Variants in KIFAP3 observed in about 807,000 individuals in gnomAD.
KIFAP3 encodes kinesin associated protein 3.
KIFAP3 carries 68 observed loss-of-function variants against 106.5 expected under a neutral mutation model. That is an observed-to-expected ratio of 0.64 (90% CI 0.53 to 0.78). KIFAP3 has a LOEUF of 0.78. KIFAP3 is among the 30% of genes least tolerant of loss of function. The probability of loss-of-function intolerance (pLI) is 0.00; values close to 1 mark genes in which losing one functional copy is unlikely to be tolerated. For missense variants in KIFAP3, 780 were observed against 941.8 expected (o/e 0.83, Z 2.25); for synonymous variants, 320 against 311.5 (o/e 1.03, Z -0.29).
chr1:169,934,974 A>G (rs1417543822), intron 19 of KIFAP3, among the ~76,000 whole-genome samples: 2 of 152,106 alleles, frequency 1.3e-5, no homozygotes, highest in African/African-American at 2.4e-5. Flanking sequence ...GTAAATTATA[A>G]TAGCCTAATA....
intron 12 of KIFAP3, among the ~76,000 whole-genome samples, chr1:169,984,059 AGAAGTATTACACT>A (rs1170882257): frequency 8.6e-5 from 13 of 151,978 alleles, no homozygotes; most frequent in African/African-American, 2.9e-4. Context: ...AAAAATATGC[AGAAGTATTACACT>A]AAAATCTTAC....
At chr1:170,012,258 GA>G (rs1557835962) in intron 10 of KIFAP3, among the ~76,000 whole-genome samples, 1 of 152,042 alleles carries the variant, frequency 6.6e-6, no homozygotes, top group Non-Finnish European at 1.5e-5. Flanking sequence ...ATATAAAAAT[GA>G]AAAATACATG....
intron 11 of KIFAP3, among the ~76,000 whole-genome samples, chr1:169,991,329 G>C (rs1266897382): frequency 7.4e-6 from 1 of 134,288 alleles, no homozygotes; most frequent in Non-Finnish European, 1.6e-5. Flanking sequence ...CTGGGCAACA[G>C]AGCAAGATCC....
intron 3 of KIFAP3, among the ~76,000 whole-genome samples, chr1:170,039,689 TA>T (rs1280320926): frequency 6.6e-6 from 1 of 151,672 alleles, no homozygotes; most frequent in Non-Finnish European, 1.5e-5. Context: ...ATATAAAAAC[TA>T]AAATGAAAAT....
chr1:170,041,614 G>T, intron 3 of KIFAP3: 1 of 1,337,946 alleles, frequency 7.5e-7, no homozygotes, highest in Non-Finnish European at 1.0e-6. Flanking sequence ...CCAAGTGGCT[G>T]CCTGGCTTCT....
At position 170,057,990 on chromosome 1, in the gene KIFAP3, A is replaced by G. The variant is rs540638403; in HGVS notation, c.33-2554T>C. Among the ~76,000 whole-genome samples, 6 of 152,266 alleles carry G rather than the reference A, an allele frequency of 3.9e-5. No homozygotes were observed. In the South Asian group the frequency reaches 1.0e-3, roughly 26 times the overall value. On this transcript the variant is annotated intron_variant, in intron 1 of 19. Coordinates refer to ENST00000361580, the MANE Select transcript of KIFAP3 (RefSeq NM_014970.4). ...AAATCATTTTCTTTTAATCTCAATG[A>G]GAAGTTATGCTTCACAGAGTAATAT...
chr1:169,936,644 T>C (rs952363685), intron 19 of KIFAP3, among the ~76,000 whole-genome samples: 1 of 151,758 alleles, frequency 6.6e-6, no homozygotes, highest in Non-Finnish European at 1.5e-5. Context: ...AAAATTCACA[T>C]TCTCTAAATT....
chr1:170,067,259 GAA>G (rs1001650586), intron 1 of KIFAP3, among the ~76,000 whole-genome samples: 1 of 152,100 alleles, frequency 6.6e-6, no homozygotes, highest in Non-Finnish European at 1.5e-5. Flanking sequence ...AGGTGAGAGA[GAA>G]TGGGTACAGA....
intron 19 of KIFAP3, among the ~76,000 whole-genome samples, chr1:169,947,591 CTT>C (rs1318400539): frequency 2.6e-5 from 4 of 151,858 alleles, no homozygotes; most frequent in East Asian, 1.9e-4. Context: ...TCATAATAGA[CTT>C]ATCTTAAAAT....
At chr1:170,020,345 T>C (rs1668745519) in intron 9 of KIFAP3, among the ~76,000 whole-genome samples, 1 of 148,476 alleles carries the variant, frequency 6.7e-6, no homozygotes, top group African/African-American at 2.6e-5. Context: ...CAATACTTAC[T>C]AAGAGGCTAT....
intron 10 of KIFAP3, among the ~76,000 whole-genome samples, chr1:170,009,498 C>T (rs1254917386): frequency 6.6e-6 from 1 of 152,060 alleles, no homozygotes; most frequent in Non-Finnish European, 1.5e-5. Flanking sequence ...AGAATGAAGG[C>T]CCTTCCAAAG....
intron 10 of KIFAP3, among the ~76,000 whole-genome samples, chr1:170,015,496 G>A (rs892542176): frequency 6.6e-6 from 1 of 152,118 alleles, no homozygotes; most frequent in African/African-American, 2.4e-5. Flanking sequence ...TAACATTGTT[G>A]TGCAGTATTG....
chr1:170,014,583 T>A (rs1232629050), intron 10 of KIFAP3, among the ~76,000 whole-genome samples: 1 of 152,186 alleles, frequency 6.6e-6, no homozygotes, highest in Non-Finnish European at 1.5e-5. Flanking sequence ...TCCCTATATA[T>A]CTGTAGGTTG....
At chr1:170,057,648 T>G (rs569844364) in intron 1 of KIFAP3, among the ~76,000 whole-genome samples, 15 of 151,952 alleles carry the variant, frequency 9.9e-5, no homozygotes, top group Admixed American at 3.3e-4. Flanking sequence ...GGGGTGAAAC[T>G]ATCATTTTAT....
chr1:170,053,201 C>T (rs551044087), intron 2 of KIFAP3, among the ~76,000 whole-genome samples: 58 of 152,226 alleles, frequency 3.8e-4, no homozygotes, highest in African/African-American at 1.3e-3. Flanking sequence ...ACACCAACAA[C>T]AGATAAGCAG....
chr1:169,992,182 C>T lies in KIFAP3; in HGVS notation c.1257G>A (p.Met419Ile). ...HISMDDRFKS[M>I]FAYTDCIPQL... ...GTGGTATACAGTCAGTGTATGCAAACATTGATTTAAAGCGGTCATCCATGC... is the reference window on the plus strand; with the variant it reads ...GTGGTATACAGTCAGTGTATGCAAATATTGATTTAAAGCGGTCATCCATGC... The change falls in exon 11 of 20, where the codon ATG becomes ATA. Residue 419 changes from methionine to isoleucine, a missense_variant. Around this residue, in one of 3 missense-constraint regions of KIFAP3, gnomAD observed 588 missense variants for 678.9 expected, o/e 0.87. Coordinates refer to ENST00000361580, the MANE Select transcript of KIFAP3 (RefSeq NM_014970.4). 1 of 1,575,404 alleles carries T rather than the reference C, an allele frequency of 6.3e-7. No individual in the cohort carries two copies. Among genetic ancestry groups the T allele is most frequent in the Admixed American group, 1.8e-5 (1 of 54,874 alleles).
At chr1:170,009,719 G>A (rs932806000) in intron 10 of KIFAP3, among the ~76,000 whole-genome samples, 2 of 152,078 alleles carry the variant, frequency 1.3e-5, no homozygotes, top group South Asian at 2.1e-4. Flanking sequence ...GGGTACTGAA[G>A]AATACACTAT....
upstream of KIFAP3, among the ~76,000 whole-genome samples, chr1:170,078,690 A>G (rs193208821): frequency 3.3e-5 from 5 of 152,330 alleles, no homozygotes; most frequent in South Asian, 2.1e-4. Flanking sequence ...CACAAAATAC[A>G]CTTCAGACAC....
intron 9 of KIFAP3, among the ~76,000 whole-genome samples, chr1:170,020,329 T>C (rs1346965648): frequency 6.6e-6 from 1 of 150,986 alleles, no homozygotes; most frequent in Non-Finnish European, 1.5e-5. Context: ...TCTTACTGCT[T>C]GATTTCAATA....
Sources: allele counts gnomAD v4.1 joint callset (sites outside exome capture counted in the v4.1 genomes callset), GRCh38; gene constraint gnomAD v4.1.1; regional missense constraint gnomAD v4.1.1; transcripts MANE v1.5; gene names NCBI Gene and HGNC (gene_info 2026-07-23, HGNC 2026-07-21).